PHACTR2: variants seen among roughly 807,000 people sequenced by gnomAD.
The protein encoded by PHACTR2 is chromosome 6 open reading frame 56.
A neutral mutation model predicts 76.0 loss-of-function variants in PHACTR2; 30 were observed. The ratio of observed to expected loss-of-function variants is 0.39; its 90% CI spans 0.30 to 0.54. The LOEUF (loss-of-function observed/expected upper bound fraction) is 0.54. PHACTR2 is among the 20% of genes least tolerant of loss of function. PHACTR2 has a pLI of 0.61. For synonymous variants in PHACTR2, 292 were observed against 292.5 expected (o/e 1.00, Z 0.02); for missense variants, 696 against 781.1 (o/e 0.89, Z 1.30).
chr6:143,649,413 C>G (rs1414399375), intron 1 of PHACTR2, among the ~76,000 whole-genome samples: 2 of 152,154 alleles, frequency 1.3e-5, no homozygotes, highest in Admixed American at 6.5e-5. Context: ...TGCCAATATC[C>G]TTAATGAAAC....
chr6:143,564,943 T>C (rs891624150), intron 1 of PHACTR2, among the ~76,000 whole-genome samples: 2 of 152,134 alleles, frequency 1.3e-5, no homozygotes, highest in Middle Eastern at 3.2e-3. Context: ...AAGGAAAAGG[T>C]GTAAAACATT....
At chr6:143,638,346 C>T (rs1776502084) in intron 1 of PHACTR2, among the ~76,000 whole-genome samples, 1 of 152,026 alleles carries the variant, frequency 6.6e-6, no homozygotes, top group South Asian at 2.1e-4. Flanking sequence ...TTGAAACCAG[C>T]CTGGGCAACA....
rs1473108079 is a variant in PHACTR2, at chr6:143,753,006, A to G, written c.296-748A>G. Among the ~76,000 whole-genome samples, 1 of 151,766 alleles carries G rather than the reference A, an allele frequency of 6.6e-6. No homozygotes were observed. Among genetic ancestry groups the G allele is most frequent in the African/African-American group, 2.4e-5 (1 of 41,334 alleles). The stretch of plus-strand genomic sequence containing the variant: ...TAATTTATGATTTAGATCTCTCAAC[A>G]TTGTATCCATTATGGTTTTTTAAAA... On this transcript the variant is annotated intron_variant, in intron 3 of 12. Transcript: ENST00000440869. This position sits in a 1 kb window ranked among gnomAD's most constrained non-coding sequence, Gnocchi z 4.6.
In PHACTR2 at chr6:143,829,956, T is replaced by C. The variant is rs1776627892; in HGVS notation, c.*6267T>C. On this transcript the variant is annotated 3_prime_UTR_variant, in exon 13 of 13. Coordinates refer to ENST00000440869, the MANE Select transcript of PHACTR2 (RefSeq NM_001100164.2). Reference sequence around the variant, plus strand: ...ATTTTATGGTATATGAAAATGCCAGTAATATTTGTGCCACTTGCCAACTCG... The same window carrying C: ...ATTTTATGGTATATGAAAATGCCAGCAATATTTGTGCCACTTGCCAACTCG... 1 of 152,162 alleles carries C rather than the reference T, an allele frequency of 6.6e-6. No individual in the cohort carries two copies. Among genetic ancestry groups the C allele is most frequent in the South Asian group, 2.1e-4 (1 of 4,834 alleles). 9.4% of individuals were successfully genotyped at this position (152,162 alleles called of 1,614,324 possible).
At chr6:143,740,096 G>T (rs1338256167) in intron 2 of PHACTR2, among the ~76,000 whole-genome samples, 2 of 152,148 alleles carry the variant, frequency 1.3e-5, no homozygotes, top group African/African-American at 4.8e-5. Context: ...CGTTTTTATG[G>T]TTATGTCATG....
At chr6:143,667,696 G>T (rs1315202604) in intron 1 of PHACTR2, among the ~76,000 whole-genome samples, 1 of 152,200 alleles carries the variant, frequency 6.6e-6, no homozygotes, top group South Asian at 2.1e-4. Context: ...TGATGTATAG[G>T]AATGCTTATG....
At chr6:143,605,050 C>G (rs116583138), upstream of PHACTR2, among the ~76,000 whole-genome samples, 675 of 151,464 alleles carry the variant, frequency 4.5e-3, 7 homozygotes, top group African/African-American at 0.015. This position sits in a 1 kb window ranked among gnomAD's most constrained non-coding sequence, Gnocchi z 5.0. Context: ...CAGGGCCCCA[C>G]AGCAGCCTTG....
intron 1 of PHACTR2, among the ~76,000 whole-genome samples, chr6:143,572,588 A>G (rs1775456200): frequency 6.6e-6 from 1 of 152,082 alleles, no homozygotes; most frequent in Non-Finnish European, 1.5e-5. Flanking sequence ...GAATCTCTCC[A>G]TTGCCCCAGG....
At chr6:143,660,403 G>C (rs931212828) in intron 1 of PHACTR2, among the ~76,000 whole-genome samples, 5 of 152,074 alleles carry the variant, frequency 3.3e-5, no homozygotes, top group African/African-American at 1.2e-4. Flanking sequence ...AAAACCATCA[G>C]ATCCATGAGA....
chr6:143,805,655 G>T (rs936374935), intron 11 of PHACTR2, among the ~76,000 whole-genome samples: 7 of 152,188 alleles, frequency 4.6e-5, no homozygotes, highest in Non-Finnish European at 8.8e-5. Context: ...GGACAGCCAT[G>T]TCACAGAGGA....
intron 1 of PHACTR2, among the ~76,000 whole-genome samples, chr6:143,590,221 C>G (rs749556818): frequency 1.3e-5 from 2 of 151,562 alleles, no homozygotes; most frequent in Non-Finnish European, 2.9e-5. Flanking sequence ...TGGTATTTTC[C>G]CCGTATTTGG....
At position 143,662,537 on chromosome 6, in the gene PHACTR2, T is replaced by A. The variant is rs1033330510; in HGVS notation, c.14-49479T>A. ...TAGGAGTTCTTCATCTGTTTTTAGT[T>A]ATAAAATGCTGAACTATTGAATAAT... On this transcript the variant is annotated intron_variant, in intron 1 of 11. Transcript: ENST00000305766. This position sits in a 1 kb window ranked among gnomAD's most constrained non-coding sequence, Gnocchi z 4.7. Among the ~76,000 whole-genome samples the A allele has an allele frequency of 2.6e-5, 4 of 152,180 alleles. No homozygotes were observed. Among genetic ancestry groups the A allele is most frequent in the Non-Finnish European group, 5.9e-5 (4 of 68,036 alleles).
intron 2 of PHACTR2, among the ~76,000 whole-genome samples, chr6:143,745,857 T>C (rs1388670439): frequency 6.6e-6 from 1 of 152,252 alleles, no homozygotes; most frequent in Non-Finnish European, 1.5e-5. Flanking sequence ...AGAACAAAGC[T>C]GTTGGTTTTG....
At chr6:143,796,479 G>C (rs1046650587) in intron 11 of PHACTR2, among the ~76,000 whole-genome samples, 5 of 151,620 alleles carry the variant, frequency 3.3e-5, no homozygotes, top group South Asian at 4.2e-4. Flanking sequence ...TGTTACATAG[G>C]TATACACGTG....
chr6:143,657,305 A>G (rs1051655087), intron 1 of PHACTR2, among the ~76,000 whole-genome samples: 14 of 152,080 alleles, frequency 9.2e-5, no homozygotes, highest in African/African-American at 3.1e-4. Flanking sequence ...TGTCAATTTC[A>G]TACAGCCATG....
intron 1 of PHACTR2, among the ~76,000 whole-genome samples, chr6:143,588,393 A>G (rs1775651388): frequency 6.6e-6 from 1 of 152,152 alleles, no homozygotes; most frequent in Admixed American, 6.5e-5. Flanking sequence ...CCCAAATTTT[A>G]CGGAAGCCCA....
At position 143,767,689 on chromosome 6, in the gene PHACTR2, C is replaced by T. The variant is rs1582858815; in HGVS notation, c.1232+1891C>T. Among the ~76,000 whole-genome samples, 1 of 152,152 alleles carries T rather than the reference C, an allele frequency of 6.6e-6. No homozygotes were observed. Among genetic ancestry groups the T allele is most frequent in the African/African-American group, 2.4e-5 (1 of 41,444 alleles). On this transcript the variant is annotated intron_variant, in intron 6 of 12. Coordinates refer to ENST00000440869, the MANE Select transcript of PHACTR2 (RefSeq NM_001100164.2). This position sits in a 1 kb window ranked among gnomAD's most constrained non-coding sequence, Gnocchi z 4.4. The stretch of plus-strand genomic sequence containing the variant: ...CATCACATGGTGGAAGGTGGAAGGG[C>T]AGAGAGCACAACAGAGTGAACCTAC...
In PHACTR2 at chr6:143,546,468, G is replaced by A. The variant is rs74576347; in HGVS notation, c.217+9261G>A. On this transcript the variant is annotated intron_variant, in intron 1 of 11. Coordinates refer to the PHACTR2 transcript ENST00000367584. The surrounding 1 kb of genome is among the most constrained non-coding windows in gnomAD (Gnocchi z 4.9). The stretch of plus-strand genomic sequence containing the variant: ...TGGGTCCATAACTCACATACTGTAA[G>A]CATGTGACATAATAATTAATGGTCA... 8.3e-3 allele frequency among the ~76,000 whole-genome samples: 1,256 copies of A among 152,180 alleles called. 24 individuals are homozygous for A. Among genetic ancestry groups the A allele is most frequent in the African/African-American group, 0.026 (1,097 of 41,502 alleles).
chr6:143,744,296 G>A (rs1051033584), intron 2 of PHACTR2, among the ~76,000 whole-genome samples: 1 of 152,160 alleles, frequency 6.6e-6, no homozygotes, highest in African/African-American at 2.4e-5. Flanking sequence ...GACTGGGAAG[G>A]GGCAGAAACA....
Sources: allele counts gnomAD v4.1 joint callset (sites outside exome capture counted in the v4.1 genomes callset), GRCh38; gene constraint gnomAD v4.1.1; non-coding constraint Gnocchi (gnomAD v3.1); transcripts MANE v1.5; gene names NCBI Gene and HGNC (gene_info 2026-07-23, HGNC 2026-07-21).